Variants in PCDHAC1 observed in about 807,000 individuals in gnomAD.
PCDHAC1 encodes protocadherin alpha subfamily C, 1.
Under a neutral mutation model 60.0 loss-of-function variants are expected in PCDHAC1, and 42 were observed. The ratio of observed to expected loss-of-function variants is 0.70; its 90% CI spans 0.55 to 0.90. PCDHAC1 has a LOEUF of 0.90. Ranked by LOEUF, PCDHAC1 falls within the 40% of genes least tolerant of loss-of-function variation. The probability of loss-of-function intolerance (pLI) is 0.00; values close to 1 mark genes in which losing one functional copy is unlikely to be tolerated. For synonymous variants in PCDHAC1, 468 were observed against 499.3 expected, an observed-to-expected ratio of 0.94 and a Z score of 0.84; for missense variants, 1,160 against 1,222.3, an observed-to-expected ratio of 0.95 and a Z score of 0.76.
chr5:140,994,434 G>A (rs1238502710), intron 3 of PCDHAC1, among the ~76,000 whole-genome samples: 1 of 152,156 alleles, frequency 6.6e-6, no homozygotes, highest in African/African-American at 2.4e-5. Flanking sequence ...CGGGCGCAGT[G>A]GCTCACACCT....
chr5:140,939,904 T>A (rs1554213033), intron 1 of PCDHAC1, among the ~76,000 whole-genome samples: 3 of 152,228 alleles, frequency 2.0e-5, no homozygotes, highest in Non-Finnish European at 2.9e-5. Context: ...TTCTGCATTC[T>A]TTTTTATTCT....
intron 3 of PCDHAC1, among the ~76,000 whole-genome samples, chr5:140,996,257 C>G (rs186736348): frequency 1.4e-4 from 22 of 152,342 alleles, no homozygotes; most frequent in African/African-American, 5.3e-4. Flanking sequence ...GACAGCAACA[C>G]AGAGCCTGGG....
rs1554262683 is a variant in PCDHAC1 at position 141,010,108 on chromosome 5, G to A, written c.*171G>A. 23 of 1,611,296 alleles carry A rather than the reference G, an allele frequency of 1.4e-5. No homozygotes were observed. Among genetic ancestry groups the A allele is most frequent in the East Asian group, 4.5e-5 (2 of 44,852 alleles). On this transcript the variant is annotated 3_prime_UTR_variant, in exon 4 of 4. Transcript: ENST00000253807. ...TAGAACGCATTTAACAGGTTTTGTC[G>A]TAAAAGCTTTACTAAGTCTGGTGTT...
intron 1 of PCDHAC1, among the ~76,000 whole-genome samples, chr5:140,970,399 G>A (rs2096402631): frequency 6.6e-6 from 1 of 152,172 alleles, no homozygotes; most frequent in Non-Finnish European, 1.5e-5. Flanking sequence ...AAAGTGGATG[G>A]CTTACCCTAC....
chr5:140,968,715 A>G, intron 1 of PCDHAC1: 1 of 1,614,132 alleles, frequency 6.2e-7, no homozygotes, highest in Non-Finnish European at 8.5e-7. Context: ...AAGATGGGAG[A>G]TGAGAGTGGT....
intron 3 of PCDHAC1, among the ~76,000 whole-genome samples, chr5:141,000,371 C>G (rs868969531): frequency 6.1e-5 from 3 of 49,260 alleles, no homozygotes; most frequent in Admixed American, 2.7e-4. Flanking sequence ...GTCTCTCTCT[C>G]TCTCTCTCTC....
At chr5:140,975,120 C>CT (rs140169299) in intron 1 of PCDHAC1, among the ~76,000 whole-genome samples, 5 of 152,258 alleles carry the variant, frequency 3.3e-5, no homozygotes, top group African/African-American at 1.2e-4. Flanking sequence ...TGTTTTCCTA[C>CT]TTACTATTGG....
rs782166134 is a variant in PCDHAC1 at position 140,929,299 on chromosome 5, G to C, written c.2407G>C (p.Gly803Arg). ...ISCIQIRNRKGDHANVNAMPR... is the reference protein window; with the variant it reads ...ISCIQIRNRKRDHANVNAMPR... Reference sequence around the variant, plus strand: ...CTGTATTCAGATTCGGAATAGGAAAGGGGATCACGCTAATGTCAATGCCAT... The same window carrying C: ...CTGTATTCAGATTCGGAATAGGAAACGGGATCACGCTAATGTCAATGCCAT... Residue 803 changes from glycine to arginine, a missense_variant, in exon 1 of 4, where the codon GGG becomes CGG. By Grantham distance (125) the Gly-to-Arg change is moderately radical (BLOSUM62 -2). Coordinates refer to ENST00000253807, the MANE Select transcript of PCDHAC1 (RefSeq NM_018898.5). 1.2e-5 allele frequency: 19 copies of C among 1,590,714 alleles called. No individual in the cohort carries two copies. The highest frequency in any genetic ancestry group is 1.6e-5 in the Non-Finnish European group (19 of 1,164,870).
chr5:140,983,746 T>A (rs1206745225), intron 3 of PCDHAC1, among the ~76,000 whole-genome samples: 2 of 152,228 alleles, frequency 1.3e-5, no homozygotes, highest in East Asian at 3.8e-4. Flanking sequence ...CTTGCAATAA[T>A]CCATTCAAAT....
intron 3 of PCDHAC1, among the ~76,000 whole-genome samples, chr5:140,991,894 C>T (rs1426754578): frequency 6.6e-6 from 1 of 152,164 alleles, no homozygotes; most frequent in Non-Finnish European, 1.5e-5. Context: ...AACAAATTAA[C>T]ACAAAATCCC....
At chr5:140,999,078 T>G (rs1554256609) in intron 3 of PCDHAC1, among the ~76,000 whole-genome samples, 2 of 152,208 alleles carry the variant, frequency 1.3e-5, no homozygotes, top group Non-Finnish European at 2.9e-5. Context: ...CTTCACTTCC[T>G]CCTTCAGAGG....
At chr5:140,929,679 G>A (rs142104946) in intron 1 of PCDHAC1, 4 of 303,052 alleles carry the variant, frequency 1.3e-5, no homozygotes, top group African/African-American at 2.2e-5. Context: ...TGAAAAATAT[G>A]TAAGAGTCTG....
At chr5:140,969,279 A>G (rs782221973) in intron 1 of PCDHAC1, 3 of 1,614,244 alleles carry the variant, frequency 1.9e-6, no homozygotes, top group East Asian at 2.2e-5. Flanking sequence ...CAAAGTGGTC[A>G]GAATGCTGGG....
chr5:140,960,299 A>C (rs246005), intron 1 of PCDHAC1, among the ~76,000 whole-genome samples: 85,531 of 151,846 alleles, frequency 0.56, 24,685 homozygotes, highest in African/African-American at 0.69. Flanking sequence ...TTTCTTCATC[A>C]ATACCAACCT....
rs782099262 is a variant in PCDHAC1 at position 140,927,918 on chromosome 5, C to A, written c.1026C>A (p.Phe342Leu). 3.7e-6 allele frequency: 6 copies of A among 1,614,220 alleles called. No homozygotes were observed. In the South Asian group the frequency reaches 4.4e-5, roughly 12 times the overall value. The part of the protein sequence containing the change: ...DVNDHAPELD[F>L]LTLSNPVPED... ...ACGATCATGCCCCCGAACTGGACTT[C>A]CTGACTCTTTCGAACCCAGTACCTG... Residue 342 changes from phenylalanine to leucine, a missense_variant, in exon 1 of 4, where the codon TTC (phenylalanine) becomes TTA (leucine). Around this residue, in one of 3 missense-constraint regions of PCDHAC1, gnomAD observed 1,113 missense variants for 1,163.7 expected, o/e 0.96. Transcript: ENST00000253807.
At position 141,010,334 on chromosome 5, in the gene PCDHAC1, T is replaced by C; in HGVS notation, c.*397T>C. On this transcript the variant is annotated 3_prime_UTR_variant, in exon 4 of 4. Transcript: ENST00000253807. The stretch of plus-strand genomic sequence containing the variant: ...TGAGATTGAGCAGCTTGGGAGTTTG[T>C]GGCCACTGGGTATGTGTGGCTACCG... The C allele has an allele frequency of 2.0e-6, 3 of 1,537,004 alleles. No homozygotes were observed. The East Asian group carries it at 7.4e-5, about 38-fold the overall frequency.
chr5:140,969,822 G>A (rs559271640), intron 1 of PCDHAC1, among the ~76,000 whole-genome samples: 68 of 152,320 alleles, frequency 4.5e-4, no homozygotes, highest in Non-Finnish European at 8.4e-4. Flanking sequence ...ACTCTGGACT[G>A]TCTACAGTGG....
chr5:140,973,513 A>G (rs2096591492), intron 1 of PCDHAC1, among the ~76,000 whole-genome samples: 1 of 151,864 alleles, frequency 6.6e-6, no homozygotes, highest in Non-Finnish European at 1.5e-5. Context: ...GAAAAAGTTT[A>G]TTTTCTTTGG....
Position 141,009,916 on chromosome 5 carries a change from G to T in PCDHAC1, c.2871G>T (p.Thr957=). The change falls in exon 4 of 4, where the codon ACG becomes ACT. Residue 957 remains threonine, a synonymous_variant. Coordinates refer to ENST00000253807, the MANE Select transcript of PCDHAC1 (RefSeq NM_018898.5). ...AGAAAAAAGAGAAAGGGAACAGCAC[G>T]ACTGACAACAGTGACCAGTGAGGTC... ...TQEKKEKGNS[T]TDNSDQ The T allele has an allele frequency of 6.2e-7, 1 of 1,611,502 alleles. No individual in the cohort carries two copies. Among genetic ancestry groups the T allele is most frequent in the South Asian group, 1.1e-5 (1 of 90,550 alleles).
Sources: allele counts gnomAD v4.1 joint callset (sites outside exome capture counted in the v4.1 genomes callset), GRCh38; gene constraint gnomAD v4.1.1; regional missense constraint gnomAD v4.1.1; transcripts MANE v1.5; gene names NCBI Gene and HGNC (gene_info 2026-07-23, HGNC 2026-07-21).